The following GGA3 variants were observed in gnomAD, a reference collection of about 807,000 sequenced individuals.
GGA3 encodes golgi associated, gamma adaptin ear containing, ARF binding protein 3.
Under a neutral mutation model 77.5 loss-of-function variants are expected in GGA3, and 57 were observed. The observed-to-expected ratio is 0.74, with a 90% confidence interval of 0.59 to 0.92. The LOEUF is 0.92. GGA3 is among the 40% of genes least tolerant of loss of function. The pLI, the probability that GGA3 is intolerant of heterozygous loss-of-function variation, is 0.00. For missense variants in GGA3, 970 were observed against 914.9 expected (o/e 1.06, Z -0.78); for synonymous variants, 416 against 383.7 (o/e 1.08, Z -0.98).
At position 75,237,463 on chromosome 17, in the gene GGA3, A is replaced by C. The variant is rs1173886948; in HGVS notation, c.*816T>G. 2 of 1,532,774 alleles carry C rather than the reference A, an allele frequency of 1.3e-6. No homozygotes were observed. The highest frequency in any genetic ancestry group is 2.7e-5 in the African/African-American group (2 of 72,964). 94.9% of individuals were successfully genotyped at this position (1,532,774 alleles called of 1,614,324 possible). The stretch of plus-strand genomic sequence containing the variant: ...AGCAGTTTATTTCATGCCAAGCAAG[A>C]GGTAGTCAGTAGGATGGCCTGTCCC... On this transcript the variant is annotated 3_prime_UTR_variant, in exon 17 of 17. Transcript: ENST00000537686.
At chr17:75,260,955 T>C (rs1567812668) in intron 1 of GGA3, among the ~76,000 whole-genome samples, 1 of 152,200 alleles carries the variant, frequency 6.6e-6, no homozygotes, top group Non-Finnish European at 1.5e-5. Flanking sequence ...GATTTCACCA[T>C]GCTTCTGTGG....
chr17:75,259,802 T>A (rs1475648932), intron 1 of GGA3, among the ~76,000 whole-genome samples: 1 of 152,112 alleles, frequency 6.6e-6, no homozygotes, highest in African/African-American at 2.4e-5. Context: ...GAAGCTTATG[T>A]CTCTACAGAT....
rs372366869 is a variant in GGA3 at position 75,240,453 on chromosome 17, G to C, written c.1193-41C>G. 1.2e-5 allele frequency: 17 copies of C among 1,367,246 alleles called. No homozygotes were observed. The African/African-American group carries it at 2.3e-4, about 18-fold the overall frequency. 84.7% of individuals were successfully genotyped at this position (1,367,246 alleles called of 1,614,324 possible). A position where few individuals can be genotyped will look rare whatever the true frequency, so the allele number is the denominator to read the frequency against. On this transcript the variant is annotated intron_variant, in intron 11 of 16. Coordinates refer to ENST00000537686, the MANE Select transcript of GGA3 (RefSeq NM_138619.4). Reference sequence around the variant, plus strand: ...AAAACAGGATGAGAAGAGGCTCTGAGCTAGGCAGCCCTAGCCCCGCCTTGC... The same window carrying C: ...AAAACAGGATGAGAAGAGGCTCTGACCTAGGCAGCCCTAGCCCCGCCTTGC...
At chr17:75,248,811 A>T (rs1299650541) in intron 1 of GGA3, 1 of 793,774 alleles carries the variant, frequency 1.3e-6, no homozygotes, top group Non-Finnish European at 1.4e-6. Context: ...CAAAAACAAA[A>T]AAAACAAAAC....
At chr17:75,238,576 G>A in intron 16 of GGA3, 76 bp downstream of exon 16, 4 of 1,085,776 alleles carry the variant, frequency 3.7e-6, no homozygotes, top group Non-Finnish European at 4.2e-6. Context: ...TTCCAGCTGG[G>A]AGGTGGTGGG....
chr17:75,244,228 C>T (rs928710087), intron 4 of GGA3, among the ~76,000 whole-genome samples: 1 of 152,146 alleles, frequency 6.6e-6, no homozygotes, highest in Non-Finnish European at 1.5e-5. Flanking sequence ...CACCAGCGTG[C>T]AACAGAACAC....
chr17:75,238,964 T>C lies in GGA3; in HGVS notation c.1900A>G (p.Thr634Ala). The change falls in exon 15 of 17, where the codon ACG becomes GCG. Residue 634 changes from threonine to alanine, a missense_variant. Transcript: ENST00000537686. ...VLVVVVSMLN[T>A]APLPVKSIVL... The stretch of plus-strand genomic sequence containing the variant: ...ATGCTCTTGACAGGTAAGGGAGCCG[T>C]GTTCAGCATGGACACCACCACCACC... 1.2e-6 allele frequency: 2 copies of C among 1,614,074 alleles called. No homozygotes were observed. The highest frequency in any genetic ancestry group is 1.7e-6 in the Non-Finnish European group (2 of 1,180,022).
At position 75,237,058 on chromosome 17, in the gene GGA3, G is replaced by A. The variant is rs1040908884; in HGVS notation, c.*1221C>T. 3.3e-4 allele frequency: 71 copies of A among 216,108 alleles called. 1 individual carries two copies. Among genetic ancestry groups the A allele is most frequent in the African/African-American group, 1.4e-3 (64 of 44,192 alleles). 13.4% of individuals were successfully genotyped at this position (216,108 alleles called of 1,614,324 possible). On this transcript the variant is annotated 3_prime_UTR_variant, in exon 17 of 17. Coordinates refer to ENST00000537686, the MANE Select transcript of GGA3 (RefSeq NM_138619.4). ...CACCTGGGCTCCGCAAGCTTCCCCC[G>A]TGTCTATGGCAGCTGGTGATTTTTT... is the stretch of plus-strand genomic sequence containing the variant.
rs550324900 is a variant in GGA3, at chr17:75,244,736, G to A, written c.202-19C>T. On this transcript the variant is annotated intron_variant, in intron 3 of 16. Coordinates refer to ENST00000537686, the MANE Select transcript of GGA3 (RefSeq NM_138619.4). ...CCAGCACCTGTAGCCGCACAGAGGA[G>A]AGGCGCTCAGTGAGGGCGTGCTCGG... The A allele has an allele frequency of 3.8e-6, 6 of 1,582,922 alleles. No homozygotes were observed. In the South Asian group the frequency reaches 5.5e-5, roughly 15 times the overall value.
At chr17:75,241,147 T>C in intron 10 of GGA3, 90 bp from the exon 11 acceptor site, 1 of 1,428,584 alleles carries the variant, frequency 7.0e-7, no homozygotes, top group East Asian at 2.3e-5. Context: ...CAGAGGTCAC[T>C]GCTACAGCCT....
At chr17:75,259,353 TGGTG>T (rs750110222) in intron 1 of GGA3, among the ~76,000 whole-genome samples, 77 of 152,236 alleles carry the variant, frequency 5.1e-4, no homozygotes, top group Non-Finnish European at 9.4e-4. Flanking sequence ...TGATTGATCA[TGGTG>T]GGACTTGAAA....
At position 75,237,586 on chromosome 17, in the gene GGA3, G is replaced by C; in HGVS notation, c.*693C>G. The C allele has an allele frequency of 6.5e-7, 1 of 1,534,880 alleles. No individual in the cohort carries two copies. The highest frequency in any genetic ancestry group is 1.2e-5 in the South Asian group (1 of 83,950). Reference sequence around the variant, plus strand: ...CATTTTCCTTCCTATCCCTAGTTGGGCCTGTCATGAGGCCAAATTCCATGT... The same window carrying C: ...CATTTTCCTTCCTATCCCTAGTTGGCCCTGTCATGAGGCCAAATTCCATGT... On this transcript the variant is annotated 3_prime_UTR_variant, in exon 17 of 17. Coordinates refer to ENST00000537686, the MANE Select transcript of GGA3 (RefSeq NM_138619.4).
rs9890286 is a variant in GGA3 at position 75,243,332 on chromosome 17, G to A, written c.424+115C>T. On this transcript the variant is annotated intron_variant, in intron 5 of 16. Transcript: ENST00000537686. ...CCAACTCCGACTCAGCCTTGCCTGG[G>A]GACAAATGCTGTTCTCTTCAGGAGG... is the stretch of plus-strand genomic sequence containing the variant. 14,304 of 1,366,766 alleles carry A rather than the reference G, an allele frequency of 0.01. 1,097 individuals carry two copies. In the African/African-American group the frequency reaches 0.17, roughly 16 times the overall value. The allele number at this position is 1,366,766 out of a possible 1,614,324, so 84.7% of individuals were successfully genotyped here.
intron 1 of GGA3, among the ~76,000 whole-genome samples, chr17:75,260,323 C>G (rs764424985): frequency 3.3e-5 from 5 of 152,082 alleles, no homozygotes; most frequent in Non-Finnish European, 7.4e-5. Flanking sequence ...TCAGGATGTC[C>G]TCTTTTTGTG....
intron 1 of GGA3, among the ~76,000 whole-genome samples, chr17:75,259,939 C>T (rs1337169472): frequency 6.6e-6 from 1 of 152,040 alleles, no homozygotes; most frequent in Non-Finnish European, 1.5e-5. Flanking sequence ...CACTTGAACT[C>T]GAGTTTGAGA....
At chr17:75,261,364 G>A (rs1256970695) in intron 1 of GGA3, among the ~76,000 whole-genome samples, 184 bp downstream of exon 1, 1 of 152,252 alleles carries the variant, frequency 6.6e-6, no homozygotes, top group Admixed American at 6.5e-5. Context: ...GGGAAGCGGG[G>A]GCCGGACTGG....
chr17:75,248,467 T>TGAAAAA (rs1330796144), intron 1 of GGA3, among the ~76,000 whole-genome samples: 1 of 1,842 alleles, frequency 5.4e-4, no homozygotes, highest in African/African-American at 6.0e-4. Context: ...AGACTCCGTC[T>TGAAAAA]CAAAAAAAAA....
At chr17:75,245,815 C>T (rs1218042787) in intron 3 of GGA3, among the ~76,000 whole-genome samples, 2 of 123,532 alleles carry the variant, frequency 1.6e-5, no homozygotes, top group African/African-American at 1.1e-4. Context: ...AGCCACCGTG[C>T]CCTGCTGAGA....
At chr17:75,261,638 G>T, upstream of GGA3, 2 of 1,481,302 alleles carry the variant, frequency 1.4e-6, no homozygotes, top group Non-Finnish European at 9.0e-7. Context: ...GTCTGCACGA[G>T]CTGAGACGGG....
Sources: allele counts gnomAD v4.1 joint callset (sites outside exome capture counted in the v4.1 genomes callset), GRCh38; gene constraint gnomAD v4.1.1; transcripts MANE v1.5; gene names NCBI Gene and HGNC (gene_info 2026-07-23, HGNC 2026-07-21).